Variants in TBX5 observed in about 807,000 individuals in gnomAD.
The protein encoded by TBX5 is T-box transcription factor 5.
Under a neutral mutation model 51.1 loss-of-function variants are expected in TBX5, and 8 were observed. The observed-to-expected ratio is 0.16, with a 90% CI of 0.09 to 0.28. The LOEUF is 0.28. Ranked by LOEUF, TBX5 falls within the 10% of genes least tolerant of loss-of-function variation. The pLI is 1.00. For missense variants in TBX5, 589 were observed against 671.7 expected, an observed-to-expected ratio of 0.88 and a Z score of 1.36; for synonymous variants, 302 against 266.4, an observed-to-expected ratio of 1.13 and a Z score of -1.30.
chr12:114,370,231 C>A (rs1593851091), intron 7 of TBX5, among the ~76,000 whole-genome samples: 1 of 77,844 alleles, frequency 1.3e-5, no homozygotes. Flanking sequence ...AACTCTGTCT[C>A]AGAAAAGAAA....
At chr12:114,386,386 G>T (rs1176154239) in intron 6 of TBX5, among the ~76,000 whole-genome samples, 1 of 152,154 alleles carries the variant, frequency 6.6e-6, no homozygotes, top group Non-Finnish European at 1.5e-5. Flanking sequence ...TTTGCCAGAA[G>T]TATTTCCTAA....
chr12:114,394,775 G>T lies in TBX5; in HGVS notation c.629C>A (p.Ala210Glu). Residue 210 changes from alanine to glutamate, a missense_variant, in exon 6 of 9, where the codon GCG (alanine) becomes GAG (glutamate). Ala to Glu is a moderately radical substitution (Grantham distance 107). This residue lies in a region of TBX5 where 17 missense variants were observed against 17.6 expected (regional missense o/e 0.96). Transcript: ENST00000405440. ...AFCTHVFPET[A>E]FIAVTSYQNH... ...CTGGTAGGAAGTCACTGCTATAAACGCAGTCTCAGGAAAGACGTGAGTGCA... is the reference window on the plus strand; with the variant it reads ...CTGGTAGGAAGTCACTGCTATAAACTCAGTCTCAGGAAAGACGTGAGTGCA... 4 of 1,614,128 alleles carry T rather than the reference G, an allele frequency of 2.5e-6. No homozygotes were observed. The highest frequency in any genetic ancestry group is 3.4e-6 in the Non-Finnish European group (4 of 1,180,012).
At chr12:114,399,726 TGGAGAAACGTGGAAGC>T in intron 3 of TBX5, 94 bp from the exon 4 acceptor site, 1 of 1,586,486 alleles carries the variant, frequency 6.3e-7, no homozygotes, top group South Asian at 1.1e-5. Flanking sequence ...AAGCAATTCC[TGGAGAAACGTGGAAGC>T]GGAAACTAGC....
chr12:114,407,208 G>A (rs12319868), upstream of TBX5: 1,718 of 671,902 alleles, frequency 2.6e-3, 19 homozygotes, highest in African/African-American at 0.031. Context: ...TGGGGCAACC[G>A]GGGAGAAAGC....
At chr12:114,377,733 T>C (rs1870275756) in intron 7 of TBX5, among the ~76,000 whole-genome samples, 1 of 151,972 alleles carries the variant, frequency 6.6e-6, no homozygotes, top group Non-Finnish European at 1.5e-5. Context: ...TTTTTCTCTA[T>C]TCATATATTG....
chr12:114,396,460 C>T (rs1871435345), intron 5 of TBX5, among the ~76,000 whole-genome samples: 1 of 152,136 alleles, frequency 6.6e-6, no homozygotes. Flanking sequence ...TCCGGAGTCT[C>T]GGGTGGGAAT....
chr12:114,400,540 T>G (rs2136419655), intron 3 of TBX5, among the ~76,000 whole-genome samples: 1 of 152,324 alleles, frequency 6.6e-6, no homozygotes, highest in Non-Finnish European at 1.5e-5. Context: ...AGATCTCGGC[T>G]CACTCAGCGA....
At chr12:114,368,791 G>GA (rs1049159812) in intron 7 of TBX5, among the ~76,000 whole-genome samples, 2 of 152,122 alleles carry the variant, frequency 1.3e-5, no homozygotes, top group African/African-American at 4.8e-5. Context: ...GGCCAGGCAG[G>GA]AACACAGAGC....
At chr12:114,406,973 C>T (rs1872271295), upstream of TBX5, 3 of 818,348 alleles carry the variant, frequency 3.7e-6, no homozygotes, top group Non-Finnish European at 4.4e-6. Flanking sequence ...TGTCAGGAGT[C>T]CTGTTCTGTT....
intron 6 of TBX5, among the ~76,000 whole-genome samples, chr12:114,389,015 G>A (rs1225437749): frequency 2.6e-5 from 4 of 151,938 alleles, no homozygotes; most frequent in East Asian, 1.9e-4. Context: ...TGCAAACTCC[G>A]CCTCTCAGGT....
At chr12:114,398,774 A>G in intron 4 of TBX5, 54 bp from the exon 5 acceptor site, 1 of 1,566,012 alleles carries the variant, frequency 6.4e-7, no homozygotes, top group Non-Finnish European at 8.7e-7. Flanking sequence ...GAGGTAGCGC[A>G]CTGCACCGAA....
At chr12:114,383,681 G>T (rs1361542421) in intron 7 of TBX5, among the ~76,000 whole-genome samples, 8 of 152,144 alleles carry the variant, frequency 5.3e-5, no homozygotes, top group Non-Finnish European at 1.2e-4. Context: ...TGGCAGAAGG[G>T]GGCTGAATTC....
chr12:114,362,054 A>G (rs1479358941), intron 8 of TBX5, among the ~76,000 whole-genome samples: 1 of 152,086 alleles, frequency 6.6e-6, no homozygotes, highest in Non-Finnish European at 1.5e-5. Flanking sequence ...CCAAATCCAC[A>G]AAGAAGTGGG....
chr12:114,363,153 C>T (rs938749291), intron 8 of TBX5, among the ~76,000 whole-genome samples: 3 of 152,182 alleles, frequency 2.0e-5, no homozygotes, highest in South Asian at 2.1e-4. Context: ...CAAGCAGGTG[C>T]TATTGTTATC....
rs374676021 is a variant in TBX5, at chr12:114,355,599, A to G, written c.1490T>C (p.Leu497Pro). The stretch of plus-strand genomic sequence containing the variant: ...CACAGAGTGGTACTGATGAGGGGAT[A>G]GAGTCCTTGGCACGCCATGAGAGTA... ...FLYSHGVPRTLSPHQYHSVHG... is the reference protein window; with the variant it reads ...FLYSHGVPRTPSPHQYHSVHG... The change falls in exon 9 of 9, where the codon CTA (leucine) becomes CCA (proline). Residue 497 changes from leucine to proline, a missense_variant. Leu to Pro is a moderately conservative substitution (Grantham distance 98). Around this residue, in one of 7 missense-constraint regions of TBX5, gnomAD observed 348 missense variants for 360.4 expected, o/e 0.97. Transcript: ENST00000405440. The G allele has an allele frequency of 6.2e-7, 1 of 1,614,214 alleles. No homozygotes were observed. Among genetic ancestry groups the G allele is most frequent in the African/African-American group, 1.3e-5 (1 of 75,064 alleles).
At chr12:114,375,756 C>T (rs1479619100) in intron 7 of TBX5, among the ~76,000 whole-genome samples, 2 of 152,110 alleles carry the variant, frequency 1.3e-5, no homozygotes, top group South Asian at 4.2e-4. Context: ...AAAAATAGAA[C>T]TATCAGCCAG....
intron 6 of TBX5, among the ~76,000 whole-genome samples, chr12:114,389,317 C>T (rs911550929): frequency 4.6e-5 from 7 of 152,152 alleles, no homozygotes; most frequent in Non-Finnish European, 1.0e-4. Flanking sequence ...CCTGTATTCA[C>T]TTGTATTTTA....
Position 114,392,607 on chromosome 12 carries a change from C to A in TBX5, c.663+2134G>T, listed in dbSNP as rs142141812. On this transcript the variant is annotated intron_variant, in intron 6 of 8. Coordinates refer to ENST00000405440, the MANE Select transcript of TBX5 (RefSeq NM_181486.4). ...ACCCTTTCCTATCCTCCTGTATGAA[C>A]CTGGGCTTTCTTGGGGTAGAGGGGG... Among the ~76,000 whole-genome samples the A allele has an allele frequency of 3.2e-3, 486 of 152,178 alleles. 1 individual carries two copies. Among genetic ancestry groups the A allele is most frequent in the African/African-American group, 0.011 (456 of 41,514 alleles).
intron 8 of TBX5, among the ~76,000 whole-genome samples, chr12:114,363,240 G>A (rs112410292): frequency 1.7e-3 from 259 of 152,266 alleles, no homozygotes; most frequent in African/African-American, 5.5e-3. Flanking sequence ...GCCAAGTGTC[G>A]TCAACTGTGA....
Sources: allele counts gnomAD v4.1 joint callset (sites outside exome capture counted in the v4.1 genomes callset), GRCh38; gene constraint gnomAD v4.1.1; regional missense constraint gnomAD v4.1.1; transcripts MANE v1.5; gene names NCBI Gene and HGNC (gene_info 2026-07-23, HGNC 2026-07-21).